ZPBP: variants seen among roughly 807,000 people sequenced by gnomAD.
ZPBP encodes the protein zona pellucida binding protein.
In ZPBP, 26 loss-of-function variants were observed where a neutral mutation model predicts 44.8. That is an observed-to-expected ratio of 0.58 (90% confidence interval 0.43 to 0.81). ZPBP has a LOEUF of 0.81. ZPBP is among the 30% of genes least tolerant of loss of function. ZPBP has a pLI of 0.00. For missense variants in ZPBP, 409 were observed against 434.0 expected (o/e 0.94, Z 0.51); for synonymous variants, 174 against 153.2 (o/e 1.14, Z -1.00).
chr7:50,005,417 A>C (rs1798262702), intron 6 of ZPBP, among the ~76,000 whole-genome samples: 1 of 152,108 alleles, frequency 6.6e-6, no homozygotes, highest in Non-Finnish European at 1.5e-5. Context: ...AAAAGATTTA[A>C]AAACCAAAAG....
chr7:50,017,408 A>C (rs557745825), intron 6 of ZPBP, among the ~76,000 whole-genome samples: 1 of 152,292 alleles, frequency 6.6e-6, no homozygotes, highest in Non-Finnish European at 1.5e-5. Context: ...AACACAGTGA[A>C]GCTTCACTCT....
At chr7:50,058,280 T>A in intron 3 of ZPBP, 139 bp from the exon 4 acceptor site, 1 of 849,832 alleles carries the variant, frequency 1.2e-6, no homozygotes, top group East Asian at 2.6e-5. Context: ...GGACATTACA[T>A]CTGGTATCTG....
intron 4 of ZPBP, among the ~76,000 whole-genome samples, chr7:50,042,542 C>T (rs1020619963): frequency 6.6e-6 from 1 of 152,116 alleles, no homozygotes; most frequent in Non-Finnish European, 1.5e-5. Context: ...GATTATTCAA[C>T]CCAAAATTTC....
intron 6 of ZPBP, among the ~76,000 whole-genome samples, chr7:50,005,311 TA>T (rs1798257525): frequency 6.6e-6 from 1 of 151,966 alleles, no homozygotes; most frequent in South Asian, 2.1e-4. Flanking sequence ...CAAAGTCTTA[TA>T]AAAATATAAA....
intron 2 of ZPBP, among the ~76,000 whole-genome samples, chr7:49,871,907 AAACAC>A (rs1451497540): frequency 1.5e-5 from 1 of 68,318 alleles, no homozygotes; most frequent in East Asian, 3.7e-4. Context: ...GTGTGTATAT[AAACAC>A]ACACACACAC....
chr7:49,842,155 ACCGCGCCTGG>A, the ZPBP span, among the ~76,000 whole-genome samples: 1 of 152,188 alleles, frequency 6.6e-6, no homozygotes, highest in East Asian at 1.9e-4. Context: ...TGTGTGAGCC[ACCGCGCCTGG>A]CCAATTCAAC....
At chr7:50,054,288 G>A (rs1800827328) in intron 4 of ZPBP, among the ~76,000 whole-genome samples, 1 of 152,062 alleles carries the variant, frequency 6.6e-6, no homozygotes, top group Non-Finnish European at 1.5e-5. Flanking sequence ...ACTTCTGTTA[G>A]TATAAACATC....
intron 1 of ZPBP, chr7:50,092,730 T>G (rs3823541): frequency 0.84 from 160,721 of 192,132 alleles, 67,332 homozygotes; most frequent in East Asian, 0.92. Flanking sequence ...AAGACACTGA[T>G]CTCATCATTA....
intron 2 of ZPBP, among the ~76,000 whole-genome samples, chr7:49,852,269 G>C (rs944359638): frequency 6.6e-6 from 1 of 152,162 alleles, no homozygotes; most frequent in African/African-American, 2.4e-5. Flanking sequence ...GAGCATCAGG[G>C]GGTCATGGTG....
intron 4 of ZPBP, among the ~76,000 whole-genome samples, chr7:50,048,908 A>T (rs1800535032): frequency 6.6e-6 from 1 of 152,062 alleles, no homozygotes; most frequent in Admixed American, 6.6e-5. Flanking sequence ...GTTTTTTAAG[A>T]AATCAACAGA....
At position 49,980,328 on chromosome 7, in the gene ZPBP, CAT is replaced by C. The variant is rs1242398911; in HGVS notation, c.961+3012_961+3013del. Among the ~76,000 whole-genome samples, 44 of 129,750 alleles carry C rather than the reference CAT, an allele frequency of 3.4e-4. 1 individual carries two copies. The highest frequency in any genetic ancestry group is 1.2e-3 in the African/African-American group (41 of 34,394). The allele number at this position is 129,750 out of a possible 152,430, so 85.1% of individuals were successfully genotyped here. A position where few individuals can be genotyped will look rare whatever the true frequency, so the allele number is the denominator to read the frequency against. On this transcript the variant is annotated intron_variant, in intron 7 of 7. Transcript: ENST00000046087. ...TATAATATAAATATATAATATATAA[CAT>C]ATATTATATAATACATAATATAAAA...
At chr7:49,994,159 TG>T (rs1179894881) in intron 6 of ZPBP, among the ~76,000 whole-genome samples, 1 of 152,244 alleles carries the variant, frequency 6.6e-6, no homozygotes, top group African/African-American at 2.4e-5. Context: ...TGCACAGTTT[TG>T]ATGCATTGCC....
intron 7 of ZPBP, among the ~76,000 whole-genome samples, chr7:49,941,384 G>C (rs1461763546): frequency 6.6e-6 from 1 of 152,092 alleles, no homozygotes. Context: ...TGGCCAAAAG[G>C]TGGAAACAAC....
intron 2 of ZPBP, among the ~76,000 whole-genome samples, chr7:50,089,099 G>T (rs569257938): frequency 2.6e-5 from 4 of 152,182 alleles, no homozygotes; most frequent in African/African-American, 7.2e-5. Flanking sequence ...TTGCATAATG[G>T]ATTAGGTCTT....
chr7:49,981,806 TTATA>T (rs1315127032), intron 7 of ZPBP, among the ~76,000 whole-genome samples: 1 of 91,560 alleles, frequency 1.1e-5, no homozygotes, highest in Non-Finnish European at 1.9e-5. Context: ...ATTATATGAA[TTATA>T]TAGATTATAT....
At position 50,041,214 on chromosome 7, in the gene ZPBP, G is replaced by T. The variant is rs190957231; in HGVS notation, c.488-9904C>A. 2.8e-3 allele frequency among the ~76,000 whole-genome samples: 422 copies of T among 152,262 alleles called. 3 individuals are homozygous for T. The highest frequency in any genetic ancestry group is 9.4e-3 in the African/African-American group (391 of 41,546). ...CTGGGACAGAGCACCTGGGGGAAGG[G>T]GCAGCTGCGGGTGCAGCTTCAGCAG... On this transcript the variant is annotated intron_variant, in intron 4 of 7. Transcript: ENST00000046087.
At chr7:50,061,278 C>G (rs1360687570) in intron 3 of ZPBP, among the ~76,000 whole-genome samples, 2 of 152,168 alleles carry the variant, frequency 1.3e-5, no homozygotes, top group Non-Finnish European at 1.5e-5. Context: ...ACCCTCACCG[C>G]TCCTATTAAC....
intron 1 of ZPBP, among the ~76,000 whole-genome samples, chr7:50,090,985 T>C (rs913816835): frequency 1.3e-5 from 2 of 152,002 alleles, no homozygotes; most frequent in African/African-American, 4.8e-5. Context: ...TTTTTTTTTT[T>C]ATTTTTTGAT....
chr7:50,082,679 T>C (rs2128852833), intron 2 of ZPBP, among the ~76,000 whole-genome samples: 1 of 151,980 alleles, frequency 6.6e-6, no homozygotes, highest in East Asian at 1.9e-4. Context: ...AGTTTTACCA[T>C]AAAGCATGAT....
Sources: allele counts gnomAD v4.1 joint callset (sites outside exome capture counted in the v4.1 genomes callset), GRCh38; gene constraint gnomAD v4.1.1; transcripts MANE v1.5; gene names NCBI Gene and HGNC (gene_info 2026-07-23, HGNC 2026-07-21).